Variants in CHD7 observed in about 807,000 individuals in gnomAD.
CHD7 encodes chromodomain helicase DNA binding protein 7.
CHD7 carries 24 observed loss-of-function variants against 307.3 expected under a neutral mutation model. The observed-to-expected ratio is 0.08, with a 90% CI of 0.06 to 0.11. The LOEUF (loss-of-function observed/expected upper bound fraction) is 0.11. Ranked by LOEUF, CHD7 falls within the 10% of genes least tolerant of loss-of-function variation. CHD7 has a pLI of 1.00. For missense variants in CHD7, 3,106 were observed against 3,727.1 expected, an observed-to-expected ratio of 0.83 and a Z score of 4.34; for synonymous variants, 1,363 against 1,349.9, an observed-to-expected ratio of 1.01 and a Z score of -0.21.
intron 1 of CHD7, among the ~76,000 whole-genome samples, chr8:60,718,249 G>A (rs932238585): frequency 2.0e-5 from 3 of 152,204 alleles, no homozygotes; most frequent in African/African-American, 7.2e-5. Context: ...GGCTAAGGTG[G>A]GTGGATCACC....
intron 21 of CHD7, among the ~76,000 whole-genome samples, chr8:60,843,236 T>C (rs1805051350): frequency 6.6e-6 from 1 of 152,218 alleles, no homozygotes; most frequent in Non-Finnish European, 1.5e-5. Context: ...CATCATTATC[T>C]GTGAAGCTGG....
rs531604137 is a variant in CHD7 at position 60,751,157 on chromosome 8, G to A, written c.1665+8060G>A. Among the ~76,000 whole-genome samples the A allele has an allele frequency of 3.9e-5, 6 of 152,266 alleles. No homozygotes were observed. The South Asian group carries it at 1.0e-3, about 26-fold the overall frequency. On this transcript the variant is annotated intron_variant, in intron 2 of 37. Transcript: ENST00000423902. ...TTTCAAGATTTTAGTTTTGAGTGGC[G>A]TTTGGATACTTTTGGTAGTTAATTC...
intron 1 of CHD7, among the ~76,000 whole-genome samples, chr8:60,734,247 A>G (rs1310414340): frequency 6.6e-6 from 1 of 152,156 alleles, no homozygotes; most frequent in African/African-American, 2.4e-5. Context: ...TTTCACATGC[A>G]CAGGAATCAC....
rs1370480938 is a variant in CHD7, at chr8:60,678,921, G to GGACCCGGACACCCTGAAACTCACCAGA, written c.-329_-303dup. The GGACCCGGACACCCTGAAACTCACCAGA allele has an allele frequency of 4.6e-5, 7 of 152,376 alleles. No homozygotes were observed. The highest frequency in any genetic ancestry group is 1.8e-4 in the South Asian group (1 of 5,446). 9.4% of individuals were successfully genotyped at this position (152,376 alleles called of 1,614,324 possible). A position where few individuals can be genotyped will look rare whatever the true frequency, so the allele number is the denominator to read the frequency against. On this transcript the variant is annotated 5_prime_UTR_variant, in exon 1 of 38. Transcript: ENST00000423902. ...GAGCGCCGCGGAGGAGGCGGCCCGG[G>GGACCCGGACACCCTGAAACTCACCAGA]GACCCGGACACCCTGAAACTCACCA... is the stretch of plus-strand genomic sequence containing the variant.
rs1809799423 is a variant in CHD7, at chr8:60,754,683, T to C, written c.1665+11586T>C. On this transcript the variant is annotated intron_variant, in intron 2 of 37. Coordinates refer to ENST00000423902, the MANE Select transcript of CHD7 (RefSeq NM_017780.4). ...CAGTTGAATCTCTAGGAAATATTACTGTATATAAAATACTAGCTGCTTTCT... is the reference window on the plus strand; with the variant it reads ...CAGTTGAATCTCTAGGAAATATTACCGTATATAAAATACTAGCTGCTTTCT... 2.0e-5 allele frequency among the ~76,000 whole-genome samples: 3 copies of C among 152,242 alleles called. No individual in the cohort carries two copies. In the South Asian group the frequency reaches 6.2e-4, roughly 31 times the overall value.
intron 8 of CHD7, among the ~76,000 whole-genome samples, chr8:60,817,926 G>C (rs761587468): frequency 6.6e-6 from 1 of 152,090 alleles, no homozygotes; most frequent in African/African-American, 2.4e-5. Flanking sequence ...CTAAATCCTG[G>C]TCCTGTTTAT....
rs148628096 is a variant in CHD7, at chr8:60,705,055, T to G, written c.-175+25973T>G. On this transcript the variant is annotated intron_variant, in intron 1 of 37. Transcript: ENST00000423902. Reference sequence around the variant, plus strand: ...CTGCATAGGAGCTCTGAATGTGATATAAAATCTGATCCAATTGAGAGGTGA... The same window carrying G: ...CTGCATAGGAGCTCTGAATGTGATAGAAAATCTGATCCAATTGAGAGGTGA... 8.7e-4 allele frequency among the ~76,000 whole-genome samples: 132 copies of G among 152,304 alleles called. 1 individual carries two copies. Among genetic ancestry groups the G allele is most frequent in the African/African-American group, 2.9e-3 (122 of 41,554 alleles).
chr8:60,781,439 TG>T lies in CHD7; in HGVS notation c.2096+12del. The stretch of plus-strand genomic sequence containing the variant: ...TCCAGCAAAAAGTCAAGGTAGGCTG[TG>T]GGCAGAAAAAACAACTGCAAAACAT... On this transcript the variant is annotated intron_variant, in intron 3 of 37. Transcript: ENST00000423902. 1 of 1,512,450 alleles carries T rather than the reference TG, an allele frequency of 6.6e-7. No homozygotes were observed. The highest frequency in any genetic ancestry group is 8.8e-7 in the Non-Finnish European group (1 of 1,138,448). The allele number at this position is 1,512,450 out of a possible 1,614,324, so 93.7% of individuals were successfully genotyped here. A position where few individuals can be genotyped will look rare whatever the true frequency, so the allele number is the denominator to read the frequency against.
chr8:60,800,514 T>A lies in CHD7; in HGVS notation c.2365T>A (p.Ser789Thr). The A allele has an allele frequency of 6.2e-7, 1 of 1,613,478 alleles. No individual in the cohort carries two copies. The highest frequency in any genetic ancestry group is 8.5e-7 in the Non-Finnish European group (1 of 1,179,654). Residue 789 changes from serine (S) to threonine (T), a missense_variant, in exon 5 of 38, where the codon TCA (serine) becomes ACA (threonine). Ser to Thr is a moderately conservative substitution (Grantham distance 58, BLOSUM62 1). Transcript: ENST00000423902. ...GGATTCCCCCTCCAACACCTCCCAG[T>A]CAGAACAGCAGGTTAGTACCAGATC... ...GRDSPSNTSQ[S>T]EQQESVDAEG...
At position 60,866,611 on chromosome 8, in the gene CHD7, T is replaced by C. The variant is rs748838706; in HGVS notation, c.*678T>C. 2.6e-5 allele frequency: 4 copies of C among 152,528 alleles called. No individual in the cohort carries two copies. The highest frequency in any genetic ancestry group is 5.9e-5 in the Non-Finnish European group (4 of 68,032). 9.4% of individuals were successfully genotyped at this position (152,528 alleles called of 1,614,324 possible). Reference sequence around the variant, plus strand: ...GTCTCGTGGTCTTGTAATGCACTGGTAAAAACAAAATAAATAGATGAATAA... The same window carrying C: ...GTCTCGTGGTCTTGTAATGCACTGGCAAAAACAAAATAAATAGATGAATAA... On this transcript the variant is annotated 3_prime_UTR_variant, in exon 38 of 38. Transcript: ENST00000423902.
chr8:60,774,678 G>T (rs1810868657), intron 2 of CHD7, among the ~76,000 whole-genome samples: 2 of 152,228 alleles, frequency 1.3e-5, no homozygotes, highest in Non-Finnish European at 2.9e-5. Flanking sequence ...GGCTGGAAGG[G>T]CAGTGGTGGG....
chr8:60,791,414 G>A (rs1022566668), intron 3 of CHD7, among the ~76,000 whole-genome samples: 9 of 152,192 alleles, frequency 5.9e-5, no homozygotes, highest in South Asian at 4.1e-4. Context: ...CTGTATCTGC[G>A]TCAAGCAGCT....
In CHD7 at chr8:60,865,735, C is replaced by G. The variant is rs1216803669; in HGVS notation, c.8796C>G (p.Gly2932=). Residue 2932 remains glycine (G), a synonymous_variant, in exon 38 of 38, where the codon GGC becomes GGG. Coordinates refer to ENST00000423902, the MANE Select transcript of CHD7 (RefSeq NM_017780.4). This position sits in a 1 kb window ranked among gnomAD's most constrained non-coding sequence, Gnocchi z 4.3. ...TGGCAGGACTTCAGAATGCCGTGGG[C>G]TCCAGCGAAGAAAAGGCTGCTGACA... is the stretch of plus-strand genomic sequence containing the variant. The part of the protein sequence containing the change: ...PALAGLQNAV[G]SSEEKAADKA... 1 of 1,611,908 alleles carries G rather than the reference C, an allele frequency of 6.2e-7. No individual in the cohort carries two copies. Among genetic ancestry groups the G allele is most frequent in the African/African-American group, 1.3e-5 (1 of 74,778 alleles).
At chr8:60,747,939 G>A (rs1015720199) in intron 2 of CHD7, among the ~76,000 whole-genome samples, 11 of 152,220 alleles carry the variant, frequency 7.2e-5, no homozygotes, top group Admixed American at 7.2e-4. Flanking sequence ...AATACATCTA[G>A]CAAGTGTTCA....
At chr8:60,861,930 G>A in intron 35 of CHD7, 1 of 252,770 alleles carries the variant, frequency 4.0e-6, no homozygotes, top group Non-Finnish European at 7.6e-6. Context: ...ATCATGACTT[G>A]GTTAAACATT....
At position 60,781,301 on chromosome 8, in the gene CHD7, C is replaced by T. The variant is rs776871277; in HGVS notation, c.1967C>T (p.Pro656Leu). Residue 656 changes from proline (P) to leucine (L), a missense_variant, in exon 3 of 38, where the codon CCG becomes CTG. Around this residue, in one of 10 missense-constraint regions of CHD7, gnomAD observed 998 missense variants for 1,004.5 expected, o/e 0.99. Transcript: ENST00000423902. ...AAGGCAAAAAAAGACCCGAAGGAAC[C>T]GAAAGAACCCAAGGAGAAAAAAGAG... ...RSKAKKDPKE[P>L]KEPKEKKEPK... is the part of the protein sequence containing the mutation. 15 of 1,565,456 alleles carry T rather than the reference C, an allele frequency of 9.6e-6. No homozygotes were observed. Among genetic ancestry groups the T allele is most frequent in the South Asian group, 9.4e-5 (8 of 84,766 alleles).
At chr8:60,762,318 A>AAG (rs1810254621) in intron 2 of CHD7, among the ~76,000 whole-genome samples, 2 of 152,174 alleles carry the variant, frequency 1.3e-5, no homozygotes, top group African/African-American at 4.8e-5. Context: ...GCCTCTGCTG[A>AAG]CACTGCTGAA....
intron 34 of CHD7, among the ~76,000 whole-genome samples, chr8:60,858,376 T>G (rs1805811197): frequency 6.6e-6 from 1 of 152,262 alleles, no homozygotes; most frequent in African/African-American, 2.4e-5. Context: ...TGTAATGGAC[T>G]AGCTGTGACT....
chr8:60,830,397 C>T lies in CHD7; in HGVS notation c.3598C>T (p.Pro1200Ser). 1.2e-6 allele frequency: 2 copies of T among 1,613,842 alleles called. No homozygotes were observed. The highest frequency in any genetic ancestry group is 8.5e-7 in the Non-Finnish European group (1 of 1,179,852). The change falls in exon 15 of 38, where the codon CCC becomes TCC. Residue 1200 changes from proline to serine, a missense_variant. Physicochemically the swap from Pro to Ser is moderately conservative, Grantham distance 74. Transcript: ENST00000423902. ...AGAGGATGTAGAAAAGAACTTGGCC[C>T]CCAAAGAAGAAACTATTATTGAAGT... Reference protein sequence around the residue: ...LKEDVEKNLAPKEETIIEVEL... With the variant: ...LKEDVEKNLASKEETIIEVEL...
Sources: gnomAD v4.1 joint callset for allele counts (sites outside exome capture counted in the v4.1 genomes callset) on GRCh38, gnomAD v4.1.1 for gene constraint, gnomAD v4.1.1 regional missense constraint, Gnocchi (gnomAD v3.1) non-coding constraint, MANE v1.5 for transcripts, NCBI Gene and HGNC (gene_info 2026-07-23, HGNC 2026-07-21) for gene names.